Variants in ADGRA3 observed in about 807,000 individuals in gnomAD.
The protein encoded by ADGRA3 is G-protein coupled receptor 125.
Under a neutral mutation model 119.8 loss-of-function variants are expected in ADGRA3, and 56 were observed. The ratio of observed to expected loss-of-function variants is 0.47; its 90% CI spans 0.38 to 0.58. ADGRA3 has a LOEUF of 0.58. Among genes scored for constraint, ADGRA3 ranks in the 20% least tolerant of loss-of-function variants. The pLI is 0.00. For synonymous variants in ADGRA3, 607 were observed against 623.8 expected, an observed-to-expected ratio of 0.97 and a Z score of 0.40; for missense variants, 1,516 against 1,649.0, an observed-to-expected ratio of 0.92 and a Z score of 1.40.
chr4:22,423,432 C>T (rs1715797151), intron 11 of ADGRA3, among the ~76,000 whole-genome samples: 1 of 152,188 alleles, frequency 6.6e-6, no homozygotes, highest in South Asian at 2.1e-4. Context: ...TACACTATGT[C>T]AGCCCAGTAA....
chr4:22,450,647 G>A (rs186066998), intron 4 of ADGRA3, among the ~76,000 whole-genome samples: 3 of 152,106 alleles, frequency 2.0e-5, no homozygotes, highest in Admixed American at 6.5e-5. Flanking sequence ...CCTAAGAGCT[G>A]CATGTGTATA....
At chr4:22,437,653 T>C (rs1250838179) in intron 8 of ADGRA3, among the ~76,000 whole-genome samples, 1 of 152,058 alleles carries the variant, frequency 6.6e-6, no homozygotes, top group African/African-American at 2.4e-5. Flanking sequence ...TCTACTAAAA[T>C]AAAAAAATAA....
chr4:22,454,778 T>C, intron 4 of ADGRA3, 88 bp downstream of exon 4: 1 of 971,274 alleles, frequency 1.0e-6, no homozygotes, highest in South Asian at 1.3e-5. Flanking sequence ...AGTTGCTACT[T>C]ATAATTAAAT....
At chr4:22,448,676 G>T (rs1428286676) in intron 4 of ADGRA3, among the ~76,000 whole-genome samples, 1 of 152,144 alleles carries the variant, frequency 6.6e-6, no homozygotes, top group Non-Finnish European at 1.5e-5. Flanking sequence ...TGGATGGGAA[G>T]ACCTGATATC....
chr4:22,442,168 ATTTTTAC>A (rs1035604186), intron 7 of ADGRA3, among the ~76,000 whole-genome samples: 2 of 152,082 alleles, frequency 1.3e-5, no homozygotes, highest in African/African-American at 2.4e-5. Flanking sequence ...TTTATAAAGT[ATTTTTAC>A]TTTTAATTAT....
chr4:22,443,139 C>A (rs1251594605), intron 6 of ADGRA3: 1 of 665,224 alleles, frequency 1.5e-6, no homozygotes, highest in Non-Finnish European at 2.7e-6. Context: ...CAGAAATGAA[C>A]TAAAAGAACA....
At chr4:22,471,562 C>T (rs372798183) in intron 2 of ADGRA3, among the ~76,000 whole-genome samples, 1 of 152,164 alleles carries the variant, frequency 6.6e-6, no homozygotes, top group Non-Finnish European at 1.5e-5. Context: ...GGCATGCATG[C>T]CCCCGCCACA....
chr4:22,453,002 G>T (rs1334105491), intron 4 of ADGRA3, among the ~76,000 whole-genome samples: 1 of 151,672 alleles, frequency 6.6e-6, no homozygotes, highest in African/African-American at 2.4e-5. Flanking sequence ...TCTAAGACCA[G>T]CCTGGCCAAG....
intron 1 of ADGRA3, among the ~76,000 whole-genome samples, chr4:22,484,809 G>A (rs754124878): frequency 6.6e-6 from 1 of 152,004 alleles, no homozygotes. Context: ...TCGCTGAAAA[G>A]TTGTTTGGAA....
rs761089480 is a variant in ADGRA3 at position 22,402,812 on chromosome 4, A to T, written c.2233-13T>A. The stretch of plus-strand genomic sequence containing the variant: ...ATCCCGTCAAATCCTGAGGGCAAAA[A>T]GAAAGATCCATTCTAGCAGTACTTC... On this transcript the variant is annotated splice_polypyrimidine_tract_variant and intron_variant, in intron 14 of 18. Transcript: ENST00000334304. The T allele has an allele frequency of 6.2e-7, 1 of 1,605,322 alleles. No individual in the cohort carries two copies. The highest frequency in any genetic ancestry group is 8.5e-7 in the Non-Finnish European group (1 of 1,177,456).
intron 1 of ADGRA3, among the ~76,000 whole-genome samples, chr4:22,474,955 G>A (rs565906722): frequency 6.6e-6 from 1 of 152,162 alleles, no homozygotes; most frequent in Non-Finnish European, 1.5e-5. Context: ...TGGATCAGAA[G>A]ATTTTAGGTA....
intron 10 of ADGRA3, among the ~76,000 whole-genome samples, chr4:22,430,383 G>A (rs892714688): frequency 6.6e-6 from 1 of 152,168 alleles, no homozygotes; most frequent in Non-Finnish European, 1.5e-5. Flanking sequence ...TGTAGGTCCA[G>A]GCTGAGGTGG....
At chr4:22,459,047 T>C (rs1440951675) in intron 3 of ADGRA3, among the ~76,000 whole-genome samples, 1 of 152,084 alleles carries the variant, frequency 6.6e-6, no homozygotes, top group Non-Finnish European at 1.5e-5. Flanking sequence ...CCTTTCTTAA[T>C]CTTACAGAAT....
At chr4:22,484,723 A>G (rs1354920148) in intron 1 of ADGRA3, among the ~76,000 whole-genome samples, 1 of 152,116 alleles carries the variant, frequency 6.6e-6, no homozygotes, top group African/African-American at 2.4e-5. Context: ...AGGAAGTGGC[A>G]TTTCACTGGG....
At chr4:22,461,182 C>T (rs1011981443) in intron 3 of ADGRA3, among the ~76,000 whole-genome samples, 3 of 152,212 alleles carry the variant, frequency 2.0e-5, no homozygotes, top group East Asian at 1.9e-4. Flanking sequence ...AGATTATGTG[C>T]GCCGGCAAAG....
rs185861942 is a variant in ADGRA3, at chr4:22,407,087, C to A, written c.2233-4288G>T. On this transcript the variant is annotated intron_variant, in intron 14 of 18. Transcript: ENST00000334304. ...GAGATCGAGACCATCCTAGCTAACA[C>A]AGTGAAACCCCGTCTCTACTAAAAA... Among the ~76,000 whole-genome samples, 1,374 of 152,120 alleles carry A rather than the reference C, an allele frequency of 9.0e-3. 43 individuals carry two copies. The highest frequency in any genetic ancestry group is 0.057 in the South Asian group (275 of 4,822).
intron 2 of ADGRA3, among the ~76,000 whole-genome samples, chr4:22,469,989 T>C (rs980830053): frequency 2.0e-4 from 30 of 152,180 alleles, no homozygotes; most frequent in Admixed American, 2.0e-3. Context: ...TTTCTCCCCA[T>C]TACTGCATAT....
At chr4:22,477,907 T>G (rs1253013246) in intron 1 of ADGRA3, among the ~76,000 whole-genome samples, 1 of 152,226 alleles carries the variant, frequency 6.6e-6, no homozygotes, top group Non-Finnish European at 1.5e-5. Flanking sequence ...AATAGGGGAC[T>G]GTGGAACTAG....
intron 1 of ADGRA3, among the ~76,000 whole-genome samples, chr4:22,495,543 T>C (rs1718786300): frequency 6.6e-6 from 1 of 152,096 alleles, no homozygotes; most frequent in Non-Finnish European, 1.5e-5. Flanking sequence ...AGGACTTATC[T>C]TGGCCTTCCT....
Sources: gnomAD v4.1 joint callset for allele counts (sites outside exome capture counted in the v4.1 genomes callset) on GRCh38, gnomAD v4.1.1 for gene constraint, MANE v1.5 for transcripts, NCBI Gene and HGNC (gene_info 2026-07-23, HGNC 2026-07-21) for gene names.